WDR44: variants seen among roughly 807,000 people sequenced by gnomAD.
The protein encoded by WDR44 is WD repeat-containing protein 44.
Under a neutral mutation model 65.7 loss-of-function variants are expected in WDR44, and 9 were observed. The observed-to-expected ratio is 0.14, with a 90% CI of 0.08 to 0.24. The LOEUF is 0.24. Among genes scored for constraint, WDR44 ranks in the 10% least tolerant of loss-of-function variants. The pLI is 1.00. For synonymous variants in WDR44, 220 were observed against 235.2 expected (o/e 0.94, Z 0.59); for missense variants, 425 against 670.9 (o/e 0.63, Z 4.05).
chrX:118,406,559 A>C (rs1270717596), intron 9 of WDR44, among the ~76,000 whole-genome samples: 1 of 111,559 alleles, frequency 9.0e-6, no homozygotes. Context: ...AAGCACTTTT[A>C]CCTGTATTAA....
chrX:118,396,988 A>G lies in WDR44; in HGVS notation c.1072A>G (p.Met358Val). Residue 358 changes from methionine (M) to valine (V), a missense_variant, in exon 7 of 20, where the codon ATG becomes GTG. Met to Val is a conservative substitution (Grantham distance 21, BLOSUM62 1). Transcript: ENST00000254029. ...LTDEEILASVMIKNLDTGEEI... is the reference protein window; with the variant it reads ...LTDEEILASVVIKNLDTGEEI... The stretch of plus-strand genomic sequence containing the variant: ...ACCTCAGGAAATTTTAGCCAGTGTA[A>G]TGATTAAGAACCTGGATACTGGAGA... 1.7e-6 allele frequency: 2 copies of G among 1,181,713 alleles called. No individual in the cohort carries two copies. The highest frequency in any genetic ancestry group is 1.9e-5 in the South Asian group (1 of 52,069).
intron 1 of WDR44, among the ~76,000 whole-genome samples, chrX:118,351,073 G>T (rs190257570): frequency 1.8e-5 from 2 of 112,170 alleles, no homozygotes; most frequent in African/African-American, 6.5e-5. Context: ...TGGTTTACTT[G>T]ACTGTTTCTT....
chrX:118,449,754 T>G lies in WDR44; in HGVS notation c.*767T>G, dbSNP rs762328066. 14 of 112,081 alleles carry G rather than the reference T, an allele frequency of 1.2e-4. No individual in the cohort carries two copies. Among genetic ancestry groups the G allele is most frequent in the Non-Finnish European group, 2.1e-4 (11 of 53,178 alleles). 9.2% of individuals were successfully genotyped at this position (112,081 alleles called of 1,213,427 possible). A position where few individuals can be genotyped will look rare whatever the true frequency, so the allele number is the denominator to read the frequency against. On this transcript the variant is annotated 3_prime_UTR_variant, in exon 20 of 20. Transcript: ENST00000254029. The stretch of plus-strand genomic sequence containing the variant: ...ACAATAATGTAAAAATTAAACTGTT[T>G]ACATTTTTTTAAAGCATTGTAGTTT...
chrX:118,346,295 C>G lies in WDR44; in HGVS notation c.-209C>G. On this transcript the variant is annotated 5_prime_UTR_variant, in exon 1 of 20. Transcript: ENST00000254029. ...CTGGACCAACCGCCGCCTCTTCAGG[C>G]GGCCGCTTTGCCGGTCATTCCCGAA... The G allele has an allele frequency of 2.4e-6, 1 of 417,096 alleles. No homozygotes were observed. The highest frequency in any genetic ancestry group is 3.7e-5 in the South Asian group (1 of 27,193). The allele number at this position is 417,096 out of a possible 1,213,427, so 34.4% of individuals were successfully genotyped here.
intron 1 of WDR44, among the ~76,000 whole-genome samples, chrX:118,349,496 G>C (rs935690938): frequency 2.7e-5 from 3 of 109,678 alleles, no homozygotes; most frequent in Non-Finnish European, 5.7e-5. Context: ...TTACTGTCAG[G>C]CATGAGCCAT....
In WDR44 at chrX:118,406,990, G is replaced by C. The variant is rs1326631223; in HGVS notation, c.1497G>C (p.Gln499His). 8.3e-7 allele frequency: 1 copy of C among 1,210,434 alleles called. No individual in the cohort carries two copies. The change falls in exon 10 of 20, where the codon CAG becomes CAC. Residue 499 changes from glutamine to histidine, a missense_variant. Gln to His is a conservative substitution (Grantham distance 24). This residue lies in a region of WDR44 where 77 missense variants were observed against 183.5 expected (regional missense o/e 0.42). Coordinates refer to ENST00000254029, the MANE Select transcript of WDR44 (RefSeq NM_019045.5). Reference protein sequence around the residue: ...HGFKGPYDFDQIKVVQDLSGE... With the variant: ...HGFKGPYDFDHIKVVQDLSGE... The stretch of plus-strand genomic sequence containing the variant: ...TCAAAGGACCTTATGATTTTGATCA[G>C]ATCAAAGTGGTGCAAGATCTTAGTG...
chrX:118,365,282 G>A (rs1174567687), intron 1 of WDR44, among the ~76,000 whole-genome samples: 1 of 111,650 alleles, frequency 9.0e-6, no homozygotes, highest in Non-Finnish European at 1.9e-5. Context: ...CTCCCATCGT[G>A]CATTTTACAT....
At chrX:118,403,688 T>G (rs926062756) in intron 8 of WDR44, among the ~76,000 whole-genome samples, 17 of 111,732 alleles carry the variant, frequency 1.5e-4, no homozygotes, top group African/African-American at 5.5e-4. Flanking sequence ...TGCATTGCTT[T>G]TTGTAATCTT....
At position 118,442,276 on chromosome X, in the gene WDR44, A is replaced by G; in HGVS notation, c.2199A>G (p.Arg733=). 8.3e-7 allele frequency: 1 copy of G among 1,210,381 alleles called. No homozygotes were observed. The highest frequency in any genetic ancestry group is 1.1e-6 in the Non-Finnish European group (1 of 894,342). The change falls in exon 16 of 20, where the codon CGA becomes CGG. Residue 733 remains arginine, a synonymous_variant. Coordinates refer to ENST00000254029, the MANE Select transcript of WDR44 (RefSeq NM_019045.5). Reference sequence around the variant, plus strand: ...AATACCATACACAAATACATGTCCGATCTACTAGAGGGCGCAACAAGGTTG... The same window carrying G: ...AATACCATACACAAATACATGTCCGGTCTACTAGAGGGCGCAACAAGGTTG... The part of the protein sequence containing the change: ...HLKYHTQIHV[R]STRGRNKVGR...
chrX:118,395,755 G>A (rs189087985), intron 6 of WDR44, among the ~76,000 whole-genome samples: 43 of 111,797 alleles, frequency 3.8e-4, no homozygotes, highest in African/African-American at 1.4e-3. Flanking sequence ...AGGTGTGGTG[G>A]CTCACTCCTG....
chrX:118,422,510 G>A (rs751204080), intron 12 of WDR44, among the ~76,000 whole-genome samples: 8 of 110,342 alleles, frequency 7.3e-5, no homozygotes, highest in Non-Finnish European at 1.3e-4. Flanking sequence ...TGGCCAACAT[G>A]GTGAAACCCG....
In WDR44 at chrX:118,414,276, T is replaced by A. The variant is rs758031704; in HGVS notation, c.1737+3317T>A. 2.0e-3 allele frequency among the ~76,000 whole-genome samples: 195 copies of A among 95,137 alleles called. 1 individual carries two copies. Among genetic ancestry groups the A allele is most frequent in the African/African-American group, 7.5e-3 (183 of 24,293 alleles). 82.6% of individuals were successfully genotyped at this position (95,137 alleles called of 115,157 possible). A position where few individuals can be genotyped will look rare whatever the true frequency, so the allele number is the denominator to read the frequency against. Reference sequence around the variant, plus strand: ...CGATTGCTTTTTTTTTTTTTTTTTTTATGTTCCATGGTTTTGTGTTTTTTT... The same window carrying A: ...CGATTGCTTTTTTTTTTTTTTTTTTAATGTTCCATGGTTTTGTGTTTTTTT... On this transcript the variant is annotated intron_variant, in intron 12 of 19. Transcript: ENST00000254029.
intron 18 of WDR44, 152 bp from the exon 19 acceptor site, chrX:118,444,208 T>A (rs1034457303): frequency 1.8e-6 from 1 of 543,248 alleles, no homozygotes. Flanking sequence ...TCAGAACTTA[T>A]ATGTGATTTT....
intron 7 of WDR44, among the ~76,000 whole-genome samples, chrX:118,397,903 A>G (rs1224549200): frequency 8.9e-6 from 1 of 112,081 alleles, no homozygotes; most frequent in Non-Finnish European, 1.9e-5. Flanking sequence ...CTTTTCTTCA[A>G]TTTCTGAAGC....
intron 10 of WDR44, 57 bp downstream of exon 10, chrX:118,407,083 T>C: frequency 9.0e-7 from 1 of 1,114,183 alleles, no homozygotes; most frequent in Non-Finnish European, 1.2e-6. Flanking sequence ...AGAAATACTT[T>C]GGCTTCTACA....
chrX:118,346,689 C>A, intron 1 of WDR44, 109 bp downstream of exon 1: 1 of 615,861 alleles, frequency 1.6e-6, no homozygotes, highest in South Asian at 3.3e-5. Flanking sequence ...CACCGCTGTT[C>A]CTCCCCGTCT....
chrX:118,420,782 G>A (rs1200485597), intron 12 of WDR44, among the ~76,000 whole-genome samples: 1 of 112,230 alleles, frequency 8.9e-6, no homozygotes, highest in Non-Finnish European at 1.9e-5. Context: ...TCAAGATTCA[G>A]CTCAAATATC....
At chrX:118,444,299 A>G in intron 18 of WDR44, 61 bp from the exon 19 acceptor site, 1 of 1,146,887 alleles carries the variant, frequency 8.7e-7, no homozygotes, top group Non-Finnish European at 1.2e-6. Context: ...TATAACATAC[A>G]CTATCGTGTT....
intron 12 of WDR44, among the ~76,000 whole-genome samples, chrX:118,414,216 ATGG>A (rs1399170877): frequency 1.1e-5 from 1 of 92,894 alleles, no homozygotes; most frequent in African/African-American, 4.0e-5. Flanking sequence ...GTGAAGAATG[ATGG>A]TGGTATTTTG....
Sources: gnomAD v4.1 joint callset for allele counts (sites outside exome capture counted in the v4.1 genomes callset) on GRCh38, gnomAD v4.1.1 for gene constraint, gnomAD v4.1.1 regional missense constraint, MANE v1.5 for transcripts, NCBI Gene and HGNC (gene_info 2026-07-23, HGNC 2026-07-21) for gene names.